The following PTPRD variants were observed in gnomAD, a reference collection of about 807,000 sequenced individuals.
PTPRD encodes protein tyrosine phosphatase receptor type D, also known as receptor-type tyrosine-protein phosphatase delta.
Under a neutral mutation model 214.5 loss-of-function variants are expected in PTPRD, and 34 were observed. The observed-to-expected ratio is 0.16, with a 90% confidence interval of 0.12 to 0.21. The LOEUF is 0.21. Ranked by LOEUF, PTPRD falls within the 10% of genes least tolerant of loss-of-function variation. PTPRD has a pLI of 1.00. For missense variants in PTPRD, 2,545 were observed against 2,398.7 expected (o/e 1.06, Z -1.27); for synonymous variants, 1,128 against 845.7 (o/e 1.33, Z -5.79).
chr9:9,707,365 A>G (rs1046366836), intron 7 of PTPRD, among the ~76,000 whole-genome samples: 2 of 152,182 alleles, frequency 1.3e-5, no homozygotes, highest in Non-Finnish European at 2.9e-5. Context: ...TTTACACAAG[A>G]TACAAATTAT....
intron 2 of PTPRD, among the ~76,000 whole-genome samples, chr9:10,358,988 T>C (rs2097328629): frequency 6.6e-6 from 1 of 152,012 alleles, no homozygotes; most frequent in Non-Finnish European, 1.5e-5. Flanking sequence ...GTTTTAATAT[T>C]ACTATTGAAA....
intron 2 of PTPRD, among the ~76,000 whole-genome samples, chr9:10,561,219 A>G (rs903283719): frequency 6.6e-6 from 1 of 152,162 alleles, no homozygotes; most frequent in African/African-American, 2.4e-5. Context: ...CAGGTTATTG[A>G]CTTTTTCATT....
intron 11 of PTPRD, among the ~76,000 whole-genome samples, chr9:8,784,348 T>G (rs2095854531): frequency 6.6e-6 from 1 of 152,240 alleles, no homozygotes; most frequent in Non-Finnish European, 1.5e-5. Flanking sequence ...CGTAAATGCA[T>G]GCTATTACGT....
chr9:9,250,749 A>C (rs1470691744), intron 9 of PTPRD, among the ~76,000 whole-genome samples: 1 of 152,090 alleles, frequency 6.6e-6, no homozygotes, highest in African/African-American at 2.4e-5. Flanking sequence ...AAACCAAACC[A>C]AAACCAAAAC....
chr9:9,164,885 CA>C (rs112543447), intron 10 of PTPRD, among the ~76,000 whole-genome samples: 1 of 136,626 alleles, frequency 7.3e-6, no homozygotes, highest in Non-Finnish European at 1.6e-5. Context: ...CAAAACAAAA[CA>C]AACAAACCAA....
chr9:8,626,991 C>A (rs1023422625), intron 14 of PTPRD, among the ~76,000 whole-genome samples: 3 of 151,716 alleles, frequency 2.0e-5, no homozygotes, highest in Admixed American at 2.0e-4. Flanking sequence ...TCAGTGATTT[C>A]CTCCCTAAGC....
rs997575044 is a variant in PTPRD, at chr9:10,421,189, T to A, written c.-599-80172A>T. On this transcript the variant is annotated intron_variant, in intron 2 of 45. Coordinates refer to ENST00000381196, the MANE Select transcript of PTPRD (RefSeq NM_002839.4). ...TGGACAAGCTTGATCTACAAAAAAA[T>A]TCACTACTTCAGGGGGTTCTGCACT... Among the ~76,000 whole-genome samples, 83 of 151,340 alleles carry A rather than the reference T, an allele frequency of 5.5e-4. 1 individual carries two copies. The highest frequency in any genetic ancestry group is 1.1e-3 in the Non-Finnish European group (73 of 67,772).
At chr9:9,393,337 G>T (rs1274470139) in intron 9 of PTPRD, among the ~76,000 whole-genome samples, 3 of 152,068 alleles carry the variant, frequency 2.0e-5, no homozygotes, top group African/African-American at 7.2e-5. Flanking sequence ...CTTGCAATGG[G>T]GATTCTCCTT....
At chr9:9,172,554 T>C (rs2099922106) in intron 10 of PTPRD, among the ~76,000 whole-genome samples, 1 of 152,180 alleles carries the variant, frequency 6.6e-6, no homozygotes, top group Non-Finnish European at 1.5e-5. Flanking sequence ...ATTTGCACTC[T>C]CCTATAATTG....
intron 44 of PTPRD, among the ~76,000 whole-genome samples, chr9:8,329,442 T>C (rs1382317886): frequency 1.3e-5 from 2 of 152,072 alleles, no homozygotes; most frequent in Admixed American, 1.3e-4. Context: ...CTGTATGAGG[T>C]ATCTGTCAGC....
chr9:10,047,389 T>A (rs2097426501), intron 3 of PTPRD, among the ~76,000 whole-genome samples: 1 of 151,808 alleles, frequency 6.6e-6, no homozygotes. Flanking sequence ...TTAGCATATC[T>A]GGCATTTGCT....
In PTPRD at chr9:8,319,689, A is replaced by C; in HGVS notation, c.5670+142T>G. ...TCTCATCCCATTTAAAAAGGGGGAA[A>C]ATGAGGTTCAAAATTATTAAACAGT... On this transcript the variant is annotated intron_variant, in intron 45 of 45. Coordinates refer to ENST00000381196, the MANE Select transcript of PTPRD (RefSeq NM_002839.4). The C allele has an allele frequency of 3.5e-5, 34 of 978,358 alleles. 1 individual carries two copies. The South Asian group carries it at 5.6e-4, about 16-fold the overall frequency. 60.6% of individuals were successfully genotyped at this position (978,358 alleles called of 1,614,324 possible).
intron 3 of PTPRD, among the ~76,000 whole-genome samples, chr9:10,180,411 T>G (rs932790625): frequency 2.6e-5 from 4 of 151,942 alleles, no homozygotes; most frequent in African/African-American, 7.2e-5. Flanking sequence ...TTCAGTTGGG[T>G]TGAGACACAC....
chr9:8,932,718 T>C (rs1271373068), intron 11 of PTPRD, among the ~76,000 whole-genome samples: 2 of 152,036 alleles, frequency 1.3e-5, no homozygotes, highest in Non-Finnish European at 2.9e-5. Flanking sequence ...GGACCCCCCC[T>C]CCCCACTAAG....
chr9:10,232,365 C>T (rs554987308), intron 3 of PTPRD, among the ~76,000 whole-genome samples: 1 of 151,894 alleles, frequency 6.6e-6, no homozygotes, highest in African/African-American at 2.4e-5. Flanking sequence ...AAGAATATGA[C>T]AGTAGGGTTT....
chr9:8,329,858 C>G (rs1436238912), intron 44 of PTPRD, among the ~76,000 whole-genome samples: 1 of 152,112 alleles, frequency 6.6e-6, no homozygotes, highest in Non-Finnish European at 1.5e-5. Flanking sequence ...GCAGATGCCT[C>G]TCCCCTCACG....
intron 6 of PTPRD, among the ~76,000 whole-genome samples, chr9:9,764,056 T>G (rs1257285404): frequency 6.6e-6 from 1 of 152,174 alleles, no homozygotes; most frequent in South Asian, 2.1e-4. Context: ...TGTAGCATAT[T>G]GTGTTAAAAT....
chr9:9,636,225 G>A (rs945098086), intron 7 of PTPRD, among the ~76,000 whole-genome samples: 2 of 152,062 alleles, frequency 1.3e-5, no homozygotes, highest in African/African-American at 2.4e-5. Flanking sequence ...GCCTCCTCAG[G>A]AAAGTCTTTC....
intron 9 of PTPRD, among the ~76,000 whole-genome samples, chr9:9,329,160 C>G (rs896652000): frequency 6.6e-6 from 1 of 151,918 alleles, no homozygotes; most frequent in African/African-American, 2.4e-5. Context: ...GTAATGACAA[C>G]GAGAGTCATC....
Sources: allele counts gnomAD v4.1 joint callset (sites outside exome capture counted in the v4.1 genomes callset), GRCh38; gene constraint gnomAD v4.1.1; transcripts MANE v1.5; gene names NCBI Gene and HGNC (gene_info 2026-07-23, HGNC 2026-07-21).